IQGAP1: variants seen among roughly 807,000 people sequenced by gnomAD.
IQGAP1 encodes IQ motif containing GTPase activating protein 1, also known as ras GTPase-activating-like protein IQGAP1.
IQGAP1 carries 66 observed loss-of-function variants against 215.6 expected under a neutral mutation model. The ratio of observed to expected loss-of-function variants is 0.31; its 90% CI spans 0.25 to 0.38. The LOEUF (loss-of-function observed/expected upper bound fraction) is 0.38. IQGAP1 is among the 10% of genes least tolerant of loss of function. The pLI, the probability that IQGAP1 is intolerant of heterozygous loss-of-function variation, is 1.00. For synonymous variants in IQGAP1, 772 were observed against 728.7 expected (o/e 1.06, Z -0.96); for missense variants, 1,712 against 1,997.1 (o/e 0.86, Z 2.72).
chr15:90,422,554 A>G (rs1965152130), intron 2 of IQGAP1, among the ~76,000 whole-genome samples: 2 of 149,378 alleles, frequency 1.3e-5, no homozygotes, highest in South Asian at 4.2e-4. Flanking sequence ...TTCAGAAACT[A>G]TATAATAACA....
chr15:90,396,868 T>C (rs1394037514), intron 2 of IQGAP1, among the ~76,000 whole-genome samples: 1 of 152,106 alleles, frequency 6.6e-6, no homozygotes, highest in African/African-American at 2.4e-5. Flanking sequence ...TTTTTTTTTT[T>C]TGGAGACGGA....
In IQGAP1 at chr15:90,466,421, A is replaced by G. The variant is rs761955904; in HGVS notation, c.2020A>G (p.Lys674Glu). Residue 674 changes from lysine to glutamate, a missense_variant, in exon 17 of 38, where the codon AAA becomes GAA. Physicochemically the swap from Lys to Glu is moderately conservative, Grantham distance 56 (BLOSUM62 1). Transcript: ENST00000268182. ...YHSDLAEAKK[K>E]KLAVGDNNSK... ...CAGTGATCTTGCTGAAGCCAAGAAGAAAAAACTGGCAGTAGGTGAGTTCTG... is the reference window on the plus strand; with the variant it reads ...CAGTGATCTTGCTGAAGCCAAGAAGGAAAAACTGGCAGTAGGTGAGTTCTG... 2 of 1,614,040 alleles carry G rather than the reference A, an allele frequency of 1.2e-6. No homozygotes were observed. The highest frequency in any genetic ancestry group is 1.1e-5 in the South Asian group (1 of 91,090).
Position 90,484,867 on chromosome 15 carries a change from C to T in IQGAP1, c.3921+515C>T, listed in dbSNP as rs191093391. Among the ~76,000 whole-genome samples, 287 of 152,270 alleles carry T rather than the reference C, an allele frequency of 1.9e-3. 1 individual carries two copies. The highest frequency in any genetic ancestry group is 2.5e-3 in the Non-Finnish European group (173 of 68,024). ...AAGTTTCTAAAAGGTCTTCCCAGGCCACCTGCATCAGAATCCTATGGGCTG... is the reference window on the plus strand; with the variant it reads ...AAGTTTCTAAAAGGTCTTCCCAGGCTACCTGCATCAGAATCCTATGGGCTG... On this transcript the variant is annotated intron_variant, in intron 30 of 37. Coordinates refer to ENST00000268182, the MANE Select transcript of IQGAP1 (RefSeq NM_003870.4).
At chr15:90,463,881 T>C (rs1051762885) in intron 15 of IQGAP1, among the ~76,000 whole-genome samples, 4 of 152,218 alleles carry the variant, frequency 2.6e-5, no homozygotes, top group African/African-American at 9.6e-5. Context: ...GCACTCTTTA[T>C]AAATTGCAGG....
intron 15 of IQGAP1, among the ~76,000 whole-genome samples, chr15:90,457,693 C>T (rs1471977862): frequency 6.6e-6 from 1 of 151,306 alleles, no homozygotes; most frequent in East Asian, 1.9e-4. Flanking sequence ...CTGCCCGCCT[C>T]AGCCTCCCAA....
intron 2 of IQGAP1, among the ~76,000 whole-genome samples, chr15:90,413,324 A>C (rs1403467007): frequency 6.6e-6 from 1 of 152,170 alleles, no homozygotes; most frequent in Non-Finnish European, 1.5e-5. Flanking sequence ...AAAGTAGTCA[A>C]CTCACAGGTT....
chr15:90,474,404 T>G, intron 22 of IQGAP1, 81 bp from the exon 23 acceptor site: 1 of 1,110,960 alleles, frequency 9.0e-7, no homozygotes, highest in African/African-American at 1.5e-5. Context: ...ATGAATAGAC[T>G]ACTTTTTCAA....
intron 19 of IQGAP1, among the ~76,000 whole-genome samples, chr15:90,473,304 A>G (rs1266854557): frequency 2.0e-5 from 3 of 152,188 alleles, no homozygotes; most frequent in African/African-American, 2.4e-5. Flanking sequence ...CTTCAATGAT[A>G]AGGTAGCACA....
In IQGAP1 at chr15:90,477,833, T is replaced by C; in HGVS notation, c.3273T>C (p.Pro1091=). The stretch of plus-strand genomic sequence containing the variant: ...AATCTCTCAACATCAAAACTGACCC[T>C]GTGGATATTTACAAATCTTGGGTTA... ...DDKSLNIKTD[P]VDIYKSWVNQ... The change falls in exon 26 of 38, where the codon CCT becomes CCC. Residue 1091 remains proline (P), a synonymous_variant. Transcript: ENST00000268182. 1 of 1,614,082 alleles carries C rather than the reference T, an allele frequency of 6.2e-7. No homozygotes were observed. Among genetic ancestry groups the C allele is most frequent in the Non-Finnish European group, 8.5e-7 (1 of 1,179,970 alleles).
Position 90,482,028 on chromosome 15 carries a change from G to A in IQGAP1, c.3398G>A (p.Ser1133Asn), listed in dbSNP as rs146358845. ...AHEEVKTRLD[S>N]SIRNMRAVTD... is the part of the protein sequence containing the mutation. Reference sequence around the variant, plus strand: ...GAAGAAGTGAAGACACGGCTAGACAGCTCCATCAGGAACATGCGGGCTGTG... The same window carrying A: ...GAAGAAGTGAAGACACGGCTAGACAACTCCATCAGGAACATGCGGGCTGTG... Residue 1133 changes from serine (S) to asparagine (N), a missense_variant, in exon 27 of 38, where the codon AGC becomes AAC. Physicochemically the swap from Ser to Asn is conservative, Grantham distance 46. Around this residue, in one of 2 missense-constraint regions of IQGAP1, gnomAD observed 691 missense variants for 923.0 expected, o/e 0.75. Coordinates refer to ENST00000268182, the MANE Select transcript of IQGAP1 (RefSeq NM_003870.4). 6.2e-6 allele frequency: 10 copies of A among 1,614,210 alleles called. No individual in the cohort carries two copies. Among genetic ancestry groups the A allele is most frequent in the Non-Finnish European group, 8.5e-6 (10 of 1,180,036 alleles).
At position 90,402,987 on chromosome 15, in the gene IQGAP1, T is replaced by G. The variant is rs189700227; in HGVS notation, c.155+12114T>G. Among the ~76,000 whole-genome samples the G allele has an allele frequency of 2.0e-5, 3 of 152,188 alleles. No homozygotes were observed. The East Asian group carries it at 5.8e-4, about 29-fold the overall frequency. ...TGACTATTATAACAAAATGTTTTTT[T>G]GGGCTGGGCCCTGTGATTCACACCA... On this transcript the variant is annotated intron_variant, in intron 2 of 37. Coordinates refer to ENST00000268182, the MANE Select transcript of IQGAP1 (RefSeq NM_003870.4).
chr15:90,443,326 C>G (rs1003785790), intron 8 of IQGAP1, 68 bp from the exon 9 acceptor site: 5 of 903,592 alleles, frequency 5.5e-6, no homozygotes, highest in Non-Finnish European at 7.4e-6. Context: ...AGGAGGAGCA[C>G]ACGTGTATTT....
At chr15:90,445,005 C>T (rs1435914487) in intron 9 of IQGAP1, among the ~76,000 whole-genome samples, 2 of 151,554 alleles carry the variant, frequency 1.3e-5, no homozygotes, top group Non-Finnish European at 3.0e-5. Flanking sequence ...CGCCTGTAGT[C>T]CCAGCTACTT....
At chr15:90,453,527 A>G (rs924219530) in intron 13 of IQGAP1, among the ~76,000 whole-genome samples, 1 of 152,270 alleles carries the variant, frequency 6.6e-6, no homozygotes, top group South Asian at 2.1e-4. Context: ...TATCTCTGAC[A>G]AAGTTAAATA....
intron 3 of IQGAP1, among the ~76,000 whole-genome samples, chr15:90,426,877 C>T (rs543803878): frequency 2.4e-4 from 35 of 148,682 alleles, no homozygotes; most frequent in Admixed American, 4.8e-4. Flanking sequence ...CGCTTGAACC[C>T]GGGAGGCAGA....
chr15:90,416,355 C>T (rs985715345), intron 2 of IQGAP1, among the ~76,000 whole-genome samples: 15 of 152,174 alleles, frequency 9.9e-5, no homozygotes, highest in African/African-American at 3.6e-4. Flanking sequence ...AATGGTGCTG[C>T]AGTAAACATA....
At chr15:90,422,044 T>G (rs1022329437) in intron 2 of IQGAP1, among the ~76,000 whole-genome samples, 2 of 152,236 alleles carry the variant, frequency 1.3e-5, no homozygotes, top group African/African-American at 4.8e-5. Context: ...TACCTTTAAT[T>G]ATTAAAAAGT....
At chr15:90,434,492 CATG>C (rs1182402731) in intron 5 of IQGAP1, among the ~76,000 whole-genome samples, 4 of 151,824 alleles carry the variant, frequency 2.6e-5, no homozygotes, top group African/African-American at 9.7e-5. Flanking sequence ...CCAACACAAA[CATG>C]ATAGTAAGAA....
In IQGAP1 at chr15:90,491,351, G is replaced by T. The variant is rs775900282; in HGVS notation, c.4267G>T (p.Ala1423Ser). 6.2e-7 allele frequency: 1 copy of T among 1,614,046 alleles called. No individual in the cohort carries two copies. Among genetic ancestry groups the T allele is most frequent in the Non-Finnish European group, 8.5e-7 (1 of 1,179,992 alleles). ...TCCGTAGGAAGCAGAACATCAGAGAGCCATGCAGAGACGTGCTATCCGTGA... is the reference window on the plus strand; with the variant it reads ...TCCGTAGGAAGCAGAACATCAGAGATCCATGCAGAGACGTGCTATCCGTGA... ...TSEQEAEHQR[A>S]MQRRAIRDAK... Residue 1423 changes from alanine to serine, a missense_variant, in exon 34 of 38, where the codon GCC (alanine) becomes TCC (serine). Around this residue, in one of 2 missense-constraint regions of IQGAP1, gnomAD observed 691 missense variants for 923.0 expected, o/e 0.75. Transcript: ENST00000268182.
Sources: gnomAD v4.1 joint callset for allele counts (sites outside exome capture counted in the v4.1 genomes callset) on GRCh38, gnomAD v4.1.1 for gene constraint, gnomAD v4.1.1 regional missense constraint, MANE v1.5 for transcripts, NCBI Gene and HGNC (gene_info 2026-07-23, HGNC 2026-07-21) for gene names.